GTF2F2: variants seen among roughly 807,000 people sequenced by gnomAD.
GTF2F2 encodes general transcription factor IIF subunit 2.
GTF2F2 carries 23 observed loss-of-function variants against 42.2 expected under a neutral mutation model. The ratio of observed to expected loss-of-function variants is 0.55; its 90% CI spans 0.39 to 0.77. The LOEUF (loss-of-function observed/expected upper bound fraction) is 0.77, where lower values mean the gene tolerates loss of function less well. Ranked by LOEUF, GTF2F2 falls within the 30% of genes least tolerant of loss-of-function variation. The probability of loss-of-function intolerance (pLI) is 0.00; values close to 1 mark genes in which losing one functional copy is unlikely to be tolerated. For missense variants in GTF2F2, 261 were observed against 287.2 expected (o/e 0.91, Z 0.66); for synonymous variants, 105 against 100.8 (o/e 1.04, Z -0.25).
At chr13:45,207,370 C>A in intron 4 of GTF2F2, 54 bp from the exon 5 acceptor site, 1 of 1,030,920 alleles carries the variant, frequency 9.7e-7, no homozygotes, top group Non-Finnish European at 1.5e-6. Context: ...TGTCAAAATA[C>A]AGTCTTGAAA....
chr13:45,235,041 CAAAAAAAAAAAA>C (rs61077504), intron 5 of GTF2F2, among the ~76,000 whole-genome samples: 6 of 43,704 alleles, frequency 1.4e-4, no homozygotes, highest in Non-Finnish European at 2.1e-4. Flanking sequence ...GCGGGAAACT[CAAAAAAAAAAAA>C]AAAAAAAAAA....
chr13:45,120,747 C>T (rs756336425), intron 1 of GTF2F2, 26 bp downstream of exon 1: 3 of 1,503,408 alleles, frequency 2.0e-6, no homozygotes, highest in Non-Finnish European at 2.7e-6. Flanking sequence ...CTCCCACTTG[C>T]GCTCCTCCTA....
chr13:45,193,633 T>C (rs561599305), intron 4 of GTF2F2: 93 of 650,392 alleles, frequency 1.4e-4, no homozygotes, highest in Non-Finnish European at 2.1e-4. Flanking sequence ...TCTTTAGCGA[T>C]AGAATTTACA....
chr13:45,267,442 T>C (rs1302836760), intron 7 of GTF2F2, 66 bp downstream of exon 7: 1 of 1,071,864 alleles, frequency 9.3e-7, no homozygotes. Context: ...TTACTGAAAG[T>C]GTGTCATACA....
In GTF2F2 at chr13:45,282,073, C is replaced by G. The variant is rs1464973175; in HGVS notation, c.631-1369C>G. 3.3e-5 allele frequency among the ~76,000 whole-genome samples: 5 copies of G among 152,086 alleles called. No individual in the cohort carries two copies. The South Asian group carries it at 1.0e-3, about 32-fold the overall frequency. ...AAATTTAGCTGGGCGTGGTGGCATGCGCCTGTAATCCCAGCTACTTGGGAG... is the reference window on the plus strand; with the variant it reads ...AAATTTAGCTGGGCGTGGTGGCATGGGCCTGTAATCCCAGCTACTTGGGAG... On this transcript the variant is annotated intron_variant, in intron 7 of 7. Transcript: ENST00000340473.
intron 5 of GTF2F2, among the ~76,000 whole-genome samples, chr13:45,215,590 C>T (rs774600303): frequency 6.6e-6 from 1 of 151,538 alleles, no homozygotes; most frequent in Non-Finnish European, 1.5e-5. Flanking sequence ...TGAAACCCGT[C>T]CCTACTAAAA....
rs764129745 is a variant in GTF2F2 at position 45,136,731 on chromosome 13, A to G, written c.67-2A>G. ...ACTTATTAGTGTTTTACTTTGTTTT[A>G]GGTTCCTAAATATTTGTCACAGCAA... On this transcript the variant is annotated splice_acceptor_variant, in intron 1 of 7. Transcript: ENST00000340473. LOFTEE classifies it high-confidence loss of function. The G allele has an allele frequency of 6.5e-7, 1 of 1,544,312 alleles. No individual in the cohort carries two copies. The highest frequency in any genetic ancestry group is 8.9e-7 in the Non-Finnish European group (1 of 1,121,012).
chr13:45,159,331 TATA>T lies in GTF2F2; in HGVS notation c.304+7503_304+7505del, dbSNP rs577253763. Reference sequence around the variant, plus strand: ...AAAACTTAACTGAAATTGTAGAATTTATAATCTGTCCTGTATGGTACTGTCCTG... The same window carrying T: ...AAAACTTAACTGAAATTGTAGAATTTATCTGTCCTGTATGGTACTGTCCTG... On this transcript the variant is annotated intron_variant, in intron 4 of 7. Transcript: ENST00000340473. 4.6e-5 allele frequency among the ~76,000 whole-genome samples: 7 copies of T among 152,382 alleles called. No homozygotes were observed. The South Asian group carries it at 1.4e-3, about 32-fold the overall frequency.
At chr13:45,234,619 T>G (rs1453360280) in intron 5 of GTF2F2, among the ~76,000 whole-genome samples, 1 of 152,234 alleles carries the variant, frequency 6.6e-6, no homozygotes, top group African/African-American at 2.4e-5. Flanking sequence ...AATCTATCCA[T>G]GGGTTCAATA....
intron 4 of GTF2F2, among the ~76,000 whole-genome samples, chr13:45,162,190 G>C (rs1871071718): frequency 6.6e-6 from 1 of 152,150 alleles, no homozygotes; most frequent in Non-Finnish European, 1.5e-5. Context: ...TAGAAATCCT[G>C]CTAGGTCTGC....
At chr13:45,243,291 G>A (rs1198121327) in intron 5 of GTF2F2, among the ~76,000 whole-genome samples, 1 of 152,212 alleles carries the variant, frequency 6.6e-6, no homozygotes, top group Non-Finnish European at 1.5e-5. Context: ...GGTGGAGTGA[G>A]CAGAGGGCAA....
At chr13:45,253,301 T>A (rs1313362376) in intron 6 of GTF2F2, among the ~76,000 whole-genome samples, 1 of 152,188 alleles carries the variant, frequency 6.6e-6, no homozygotes, top group African/African-American at 2.4e-5. Flanking sequence ...TAACTAAATA[T>A]TAGTTTTACT....
At chr13:45,258,693 TG>T (rs1418232330) in intron 6 of GTF2F2, among the ~76,000 whole-genome samples, 1 of 152,246 alleles carries the variant, frequency 6.6e-6, no homozygotes, top group Non-Finnish European at 1.5e-5. Context: ...AAACGTATTT[TG>T]TAGTTTTGAC....
chr13:45,131,897 C>CAAAAAAAAA (rs765260379), intron 1 of GTF2F2, among the ~76,000 whole-genome samples: 3 of 53,204 alleles, frequency 5.6e-5, no homozygotes, highest in African/African-American at 1.7e-4. Context: ...GACCCTGTCT[C>CAAAAAAAAA]AAAAAAAAAA....
At chr13:45,253,665 C>T (rs776838893) in intron 6 of GTF2F2, among the ~76,000 whole-genome samples, 2 of 152,212 alleles carry the variant, frequency 1.3e-5, no homozygotes, top group African/African-American at 4.8e-5. Context: ...CCATCTTGCT[C>T]CATCCCATCC....
chr13:45,271,677 G>A (rs1482936127), intron 7 of GTF2F2, among the ~76,000 whole-genome samples: 18 of 151,878 alleles, frequency 1.2e-4, no homozygotes, highest in Admixed American at 1.1e-3. Context: ...TCAGCCCCCC[G>A]AGTAGCTAGG....
intron 4 of GTF2F2, among the ~76,000 whole-genome samples, chr13:45,198,703 T>A (rs1181037063): frequency 6.6e-6 from 1 of 152,174 alleles, no homozygotes; most frequent in East Asian, 1.9e-4. Context: ...CCACATTTTT[T>A]TTTTGTTTTT....
chr13:45,212,719 G>T (rs1477366225), intron 5 of GTF2F2, among the ~76,000 whole-genome samples: 1 of 151,204 alleles, frequency 6.6e-6, no homozygotes, highest in Non-Finnish European at 1.5e-5. Context: ...GCATCCTCCA[G>T]CACGGCTGGC....
chr13:45,166,486 G>A (rs917182327), intron 4 of GTF2F2, among the ~76,000 whole-genome samples: 6 of 152,230 alleles, frequency 3.9e-5, no homozygotes, highest in African/African-American at 1.2e-4. Context: ...TTCTGGAATA[G>A]TACTGAGGTA....
Sources: gnomAD v4.1 joint callset for allele counts (sites outside exome capture counted in the v4.1 genomes callset) on GRCh38, gnomAD v4.1.1 for gene constraint, MANE v1.5 for transcripts, NCBI Gene and HGNC (gene_info 2026-07-23, HGNC 2026-07-21) for gene names.